The following VTCN1 variants were observed in gnomAD, a reference collection of about 807,000 sequenced individuals.
The protein encoded by VTCN1 is V-set domain-containing T-cell activation inhibitor 1.
In VTCN1, 26 loss-of-function variants were observed where a neutral mutation model predicts 26.5. The observed-to-expected ratio is 0.98, with a 90% confidence interval of 0.72 to 1.36. The LOEUF is 1.36. Ranked by LOEUF, VTCN1 falls within the 40% of genes most tolerant of loss-of-function variation. The pLI is 0.00. For missense variants in VTCN1, 298 were observed against 337.7 expected (o/e 0.88, Z 0.92); for synonymous variants, 116 against 130.7 (o/e 0.89, Z 0.77).
rs1199417714 is a variant in VTCN1 at position 117,183,997 on chromosome 1, G to A, written c.33-13826C>T. Reference sequence around the variant, plus strand: ...TACCAAACACCAGAGACAAAGCTAAGGGGCCATTCAAGCTGGGGACTCACT... The same window carrying A: ...TACCAAACACCAGAGACAAAGCTAAAGGGCCATTCAAGCTGGGGACTCACT... On this transcript the variant is annotated intron_variant, in intron 1 of 5. Coordinates refer to ENST00000369458, the MANE Select transcript of VTCN1 (RefSeq NM_024626.4). This position sits in a 1 kb window ranked among gnomAD's most constrained non-coding sequence, Gnocchi z 4.1. Among the ~76,000 whole-genome samples, 1 of 152,128 alleles carries A rather than the reference G, an allele frequency of 6.6e-6. No homozygotes were observed. Among genetic ancestry groups the A allele is most frequent in the Non-Finnish European group, 1.5e-5 (1 of 68,030 alleles).
At chr1:117,187,797 A>G (rs146719952) in intron 1 of VTCN1, among the ~76,000 whole-genome samples, 129 of 152,316 alleles carry the variant, frequency 8.5e-4, no homozygotes, top group Admixed American at 1.5e-3. Context: ...CCACATCACT[A>G]TGCAGAGTTT....
In VTCN1 at chr1:117,210,927, C is replaced by G; in HGVS notation, c.-72G>C. ...TGCCGCTGCCTTCCTTGGTGACTCA[C>G]AACCAGCTCCCGTGTATTGGCCTTA... is the stretch of plus-strand genomic sequence containing the variant. On this transcript the variant is annotated 5_prime_UTR_variant, in exon 1 of 6. Transcript: ENST00000369458. The G allele has an allele frequency of 6.6e-7, 1 of 1,518,372 alleles. No individual in the cohort carries two copies. The highest frequency in any genetic ancestry group is 9.1e-7 in the Non-Finnish European group (1 of 1,093,886). The allele number at this position is 1,518,372 out of a possible 1,614,324, so 94.1% of individuals were successfully genotyped here.
In VTCN1 at chr1:117,167,974, AAGAG is replaced by A. The variant is rs1394458396; in HGVS notation, c.97+2129_97+2132del. Among the ~76,000 whole-genome samples, 2 of 152,102 alleles carry A rather than the reference AAGAG, an allele frequency of 1.3e-5. No individual in the cohort carries two copies. Among genetic ancestry groups the A allele is most frequent in the Non-Finnish European group, 2.9e-5 (2 of 68,014 alleles). ...AGAGAGCAGAAGAAAGAAAAAGAGAAAGAGAGAAGACTAGAGAGAAAGAAAGAGA... is the reference window on the plus strand; with the variant it reads ...AGAGAGCAGAAGAAAGAAAAAGAGAAAGAAGACTAGAGAGAAAGAAAGAGA... On this transcript the variant is annotated intron_variant, in intron 2 of 5. Coordinates refer to ENST00000369458, the MANE Select transcript of VTCN1 (RefSeq NM_024626.4). This position sits in a 1 kb window ranked among gnomAD's most constrained non-coding sequence, Gnocchi z 4.1.
At chr1:117,206,354 T>C (rs910849070) in intron 1 of VTCN1, among the ~76,000 whole-genome samples, 2 of 152,136 alleles carry the variant, frequency 1.3e-5, no homozygotes, top group African/African-American at 4.8e-5. Context: ...CCAAGAACCA[T>C]GGATTGTAGA....
intron 1 of VTCN1, among the ~76,000 whole-genome samples, chr1:117,209,959 G>A (rs552442488): frequency 6.6e-6 from 1 of 152,210 alleles, no homozygotes; most frequent in South Asian, 2.1e-4. Flanking sequence ...CCTTTTGTGG[G>A]AAAAAGAAAC....
At chr1:117,160,772 T>C (rs1329604861) in intron 2 of VTCN1, among the ~76,000 whole-genome samples, 1 of 152,208 alleles carries the variant, frequency 6.6e-6, no homozygotes, top group African/African-American at 2.4e-5. Flanking sequence ...ATTATCAACA[T>C]AAGGATATCC....
chr1:117,147,841 A>G lies in VTCN1; in HGVS notation c.725-59T>C, dbSNP rs1479600367. 87 of 1,566,592 alleles carry G rather than the reference A, an allele frequency of 5.6e-5. No homozygotes were observed. The highest frequency in any genetic ancestry group is 7.4e-5 in the Non-Finnish European group (86 of 1,161,226). On this transcript the variant is annotated intron_variant, in intron 4 of 5. Transcript: ENST00000369458. The surrounding 1 kb of genome is among the most constrained non-coding windows in gnomAD (Gnocchi z 4.6). ...AGGAGAAGCTGGATGTCTTCTTCAC[A>G]TGACTGGTTAGCAAAGAAAAGTACC...
intron 2 of VTCN1, 53 bp from the exon 3 acceptor site, chr1:117,156,974 A>C: frequency 6.2e-7 from 1 of 1,612,460 alleles, no homozygotes; most frequent in Non-Finnish European, 8.5e-7. Flanking sequence ...GAACTTCTAC[A>C]ACCAAACCCT....
In VTCN1 at chr1:117,189,910, C is replaced by G. The variant is rs1280328040; in HGVS notation, c.33-19739G>C. Reference sequence around the variant, plus strand: ...GCAAAACCCCAGTGAAGCCCAAGACCAAGGTAGGCTCATGCCTTGGTGGCA... The same window carrying G: ...GCAAAACCCCAGTGAAGCCCAAGACGAAGGTAGGCTCATGCCTTGGTGGCA... On this transcript the variant is annotated intron_variant, in intron 1 of 5. Coordinates refer to ENST00000369458, the MANE Select transcript of VTCN1 (RefSeq NM_024626.4). 2.6e-5 allele frequency among the ~76,000 whole-genome samples: 4 copies of G among 151,940 alleles called. No homozygotes were observed. In the East Asian group the frequency reaches 7.8e-4, roughly 29 times the overall value.
intron 1 of VTCN1, among the ~76,000 whole-genome samples, chr1:117,200,847 G>A (rs1443379547): frequency 6.6e-6 from 1 of 152,266 alleles, no homozygotes; most frequent in East Asian, 1.9e-4. Flanking sequence ...TCAGCTCAGT[G>A]CAACCTCCAA....
At chr1:117,168,984 G>A (rs559727624) in intron 2 of VTCN1, among the ~76,000 whole-genome samples, 2 of 152,278 alleles carry the variant, frequency 1.3e-5, no homozygotes, top group South Asian at 2.1e-4. Context: ...TCTTAGCTTC[G>A]ACTTTGTGAC....
At chr1:117,200,648 TGTGTTTAAGTTGGTTATTTGAA>T (rs1457485559) in intron 1 of VTCN1, among the ~76,000 whole-genome samples, 1 of 152,198 alleles carries the variant, frequency 6.6e-6, no homozygotes, top group Non-Finnish European at 1.5e-5. Context: ...TTCCAAAGTT[TGTGTTTAAGTTGGTTATTTGAA>T]GTTCTGTACA....
At chr1:117,149,225 T>TGATAGTA in intron 4 of VTCN1, among the ~76,000 whole-genome samples, 1 of 152,062 alleles carries the variant, frequency 6.6e-6, no homozygotes, top group Non-Finnish European at 1.5e-5. Flanking sequence ...ACTATGGGCA[T>TGATAGTA]TTCAAACTCG....
intron 4 of VTCN1, among the ~76,000 whole-genome samples, chr1:117,151,590 TCATTTTTACAGAGTGCTGATTGGTG>T (rs1367982751): frequency 7.1e-6 from 1 of 140,248 alleles, no homozygotes; most frequent in Admixed American, 6.7e-5. Flanking sequence ...GCTGATTGGT[TCATTTTTACAGAGTGCTGATTGGTG>T]CATTTACAAT....
In VTCN1 at chr1:117,159,239, T is replaced by C. The variant is rs562530650; in HGVS notation, c.98-2318A>G. Among the ~76,000 whole-genome samples the C allele has an allele frequency of 4.3e-4, 65 of 152,292 alleles. No homozygotes were observed. Among genetic ancestry groups the C allele is most frequent in the African/African-American group, 1.5e-3 (63 of 41,562 alleles). On this transcript the variant is annotated intron_variant, in intron 2 of 5. Coordinates refer to ENST00000369458, the MANE Select transcript of VTCN1 (RefSeq NM_024626.4). This position sits in a 1 kb window ranked among gnomAD's most constrained non-coding sequence, Gnocchi z 4.7. ...CATTTTCACAGTGCTGATAAAGAAATACCCGAGACTTGGAAGAAAAAGAGG... is the reference window on the plus strand; with the variant it reads ...CATTTTCACAGTGCTGATAAAGAAACACCCGAGACTTGGAAGAAAAAGAGG...
At chr1:117,164,183 C>T (rs1652498391) in intron 2 of VTCN1, among the ~76,000 whole-genome samples, 1 of 152,086 alleles carries the variant, frequency 6.6e-6, no homozygotes. Context: ...GGCAAAGAGC[C>T]AGAAAACCAG....
In VTCN1 at chr1:117,159,789, T is replaced by A. The variant is rs1652272092; in HGVS notation, c.98-2868A>T. 6.6e-6 allele frequency among the ~76,000 whole-genome samples: 1 copy of A among 152,194 alleles called. No individual in the cohort carries two copies. Among genetic ancestry groups the A allele is most frequent in the Non-Finnish European group, 1.5e-5 (1 of 68,026 alleles). Reference sequence around the variant, plus strand: ...CATAGAAACTAAGGCAGTGAGAAAATAACTGATTTGATCAAGTTTACAGTG... The same window carrying A: ...CATAGAAACTAAGGCAGTGAGAAAAAAACTGATTTGATCAAGTTTACAGTG... On this transcript the variant is annotated intron_variant, in intron 2 of 5. Coordinates refer to ENST00000369458, the MANE Select transcript of VTCN1 (RefSeq NM_024626.4). The surrounding 1 kb of genome is among the most constrained non-coding windows in gnomAD (Gnocchi z 4.7).
chr1:117,155,088 G>T lies in VTCN1; in HGVS notation c.445+1486C>A, dbSNP rs1449334071. 6.6e-6 allele frequency among the ~76,000 whole-genome samples: 1 copy of T among 152,150 alleles called. No individual in the cohort carries two copies. The highest frequency in any genetic ancestry group is 2.4e-5 in the African/African-American group (1 of 41,442). ...CCGGTTAGGTATTTTCCATGACCTTGACAGTTCTGAGGAGTACTGGTTAGG... is the reference window on the plus strand; with the variant it reads ...CCGGTTAGGTATTTTCCATGACCTTTACAGTTCTGAGGAGTACTGGTTAGG... On this transcript the variant is annotated intron_variant, in intron 3 of 5. Transcript: ENST00000369458. This position sits in a 1 kb window ranked among gnomAD's most constrained non-coding sequence, Gnocchi z 4.8.
rs771791005 is a variant in VTCN1, at chr1:117,161,286, C to T, written c.98-4365G>A. Among the ~76,000 whole-genome samples the T allele has an allele frequency of 9.2e-5, 14 of 152,334 alleles. No individual in the cohort carries two copies. The East Asian group carries it at 1.7e-3, about 19-fold the overall frequency. On this transcript the variant is annotated intron_variant, in intron 2 of 5. Transcript: ENST00000369458. This position sits in a 1 kb window ranked among gnomAD's most constrained non-coding sequence, Gnocchi z 4.3. ...AATTACACTATGCGCCTTCACACTG[C>T]TGTTCATCTTGTACCTATTAATTCA... is the stretch of plus-strand genomic sequence containing the variant.
Sources: gnomAD v4.1 joint callset for allele counts (sites outside exome capture counted in the v4.1 genomes callset) on GRCh38, gnomAD v4.1.1 for gene constraint, Gnocchi (gnomAD v3.1) non-coding constraint, MANE v1.5 for transcripts, NCBI Gene and HGNC (gene_info 2026-07-23, HGNC 2026-07-21) for gene names.